Variants in SYNPR observed in about 807,000 individuals in gnomAD.
SYNPR encodes the protein synaptoporin.
In SYNPR, 23 loss-of-function variants were observed where a neutral mutation model predicts 32.9. The ratio of observed to expected loss-of-function variants is 0.70; its 90% confidence interval spans 0.50 to 0.99. The LOEUF (loss-of-function observed/expected upper bound fraction) is 0.99. SYNPR is among the 50% of genes least tolerant of loss of function. The pLI, the probability that SYNPR is intolerant of heterozygous loss-of-function variation, is 0.00. For missense variants in SYNPR, 318 were observed against 349.3 expected, an observed-to-expected ratio of 0.91 and a Z score of 0.71; for synonymous variants, 146 against 135.9, an observed-to-expected ratio of 1.07 and a Z score of -0.52.
At chr3:63,524,850 T>TGTGTGTGTGC (rs1405963400) in intron 3 of SYNPR, among the ~76,000 whole-genome samples, 1 of 124,344 alleles carries the variant, frequency 8.0e-6, no homozygotes, top group African/African-American at 3.0e-5. Context: ...TGTGTGTGTG[T>TGTGTGTGTGC]GCATGTGTGT....
intron 2 of SYNPR, among the ~76,000 whole-genome samples, chr3:63,340,796 C>G (rs1317463352): frequency 6.6e-6 from 1 of 152,172 alleles, no homozygotes; most frequent in East Asian, 1.9e-4. Flanking sequence ...TCCCCCCTTC[C>G]TTCTGTACAT....
intron 3 of SYNPR, chr3:63,545,658 A>G (rs1017671907): frequency 6.6e-6 from 1 of 152,142 alleles, no homozygotes; most frequent in South Asian, 2.1e-4. Context: ...TACAGGTCAT[A>G]TTATTAGGTA....
chr3:63,429,096 ATTTTTCT>A (rs1699939782), intron 2 of SYNPR, among the ~76,000 whole-genome samples: 1 of 152,066 alleles, frequency 6.6e-6, no homozygotes, highest in Non-Finnish European at 1.5e-5. Flanking sequence ...GCTGTGAAAG[ATTTTTCT>A]TTTTTCTTTG....
chr3:63,249,550 A>G (rs2086315126), intron 1 of SYNPR, among the ~76,000 whole-genome samples: 2 of 152,130 alleles, frequency 1.3e-5, no homozygotes, highest in Non-Finnish European at 2.9e-5. Context: ...GAATTAGAAG[A>G]AAGAGTGGGA....
intron 3 of SYNPR, among the ~76,000 whole-genome samples, chr3:63,551,681 T>C (rs1322314649): frequency 2.0e-5 from 3 of 152,120 alleles, no homozygotes; most frequent in African/African-American, 7.2e-5. Context: ...ATCTGGGTAA[T>C]TCCTATTATC....
intron 1 of SYNPR, among the ~76,000 whole-genome samples, chr3:63,238,619 G>A (rs766687237): frequency 9.9e-5 from 15 of 151,984 alleles, no homozygotes; most frequent in Non-Finnish European, 1.8e-4. Flanking sequence ...AAATTTTCAC[G>A]GTTTTCTTAG....
chr3:63,232,316 C>G (rs1404649492), intron 1 of SYNPR, among the ~76,000 whole-genome samples: 4 of 149,404 alleles, frequency 2.7e-5, no homozygotes, highest in African/African-American at 9.9e-5. Context: ...ATTCTCGTGC[C>G]TCAGCCTCCC....
At chr3:63,252,456 C>G (rs2086340824) in intron 1 of SYNPR, 1 of 152,116 alleles carries the variant, frequency 6.6e-6, no homozygotes, top group Non-Finnish European at 1.5e-5. Flanking sequence ...TTGGCTGTAG[C>G]ATAAATCTGC....
chr3:63,201,117 AG>A, the SYNPR span, among the ~76,000 whole-genome samples: 11 of 152,214 alleles, frequency 7.2e-5, no homozygotes, highest in African/African-American at 2.7e-4. Flanking sequence ...AAGAGAAATA[AG>A]GACTGAACAA....
intron 1 of SYNPR, among the ~76,000 whole-genome samples, chr3:63,240,351 C>T (rs553627454): frequency 1.8e-4 from 27 of 152,172 alleles, no homozygotes; most frequent in African/African-American, 5.8e-4. Context: ...CCTTCATAGA[C>T]GGCATTCTAG....
At chr3:63,359,193 C>T (rs910946732) in intron 2 of SYNPR, among the ~76,000 whole-genome samples, 3 of 152,016 alleles carry the variant, frequency 2.0e-5, no homozygotes, top group Non-Finnish European at 4.4e-5. Context: ...TAGGTAAGGA[C>T]CTAAGGGGAG....
intron 3 of SYNPR, among the ~76,000 whole-genome samples, chr3:63,520,326 G>A (rs921818095): frequency 4.6e-4 from 70 of 152,210 alleles, no homozygotes; most frequent in African/African-American, 1.6e-3. Flanking sequence ...CATCTTCCAG[G>A]ACAGCTGTAT....
intron 1 of SYNPR, among the ~76,000 whole-genome samples, chr3:63,241,051 T>A (rs1248632338): frequency 6.6e-6 from 1 of 151,808 alleles, no homozygotes; most frequent in Non-Finnish European, 1.5e-5. Context: ...AAAAAAAAAA[T>A]CCATGCTTTG....
At chr3:63,542,600 T>A (rs1028379255) in intron 3 of SYNPR, among the ~76,000 whole-genome samples, 1 of 152,110 alleles carries the variant, frequency 6.6e-6, no homozygotes, top group African/African-American at 2.4e-5. Context: ...ATTTATAACT[T>A]TAGACAGGGC....
the SYNPR span, among the ~76,000 whole-genome samples, chr3:63,211,287 G>T: frequency 2.6e-5 from 4 of 152,052 alleles, no homozygotes; most frequent in Admixed American, 2.6e-4. Flanking sequence ...GGCTGGTCTT[G>T]AACTCCTGAC....
At chr3:63,455,839 T>C (rs1427280633) in intron 2 of SYNPR, among the ~76,000 whole-genome samples, 1 of 151,378 alleles carries the variant, frequency 6.6e-6, no homozygotes, top group Non-Finnish European at 1.5e-5. Context: ...CCTGTTCCCG[T>C]TAAGTTTATT....
chr3:63,595,623 T>C (rs1269057368), intron 4 of SYNPR, among the ~76,000 whole-genome samples: 2 of 146,874 alleles, frequency 1.4e-5, no homozygotes, highest in Non-Finnish European at 3.0e-5. Context: ...CATAGAGTTG[T>C]TGTAAAGTAA....
the SYNPR span, among the ~76,000 whole-genome samples, chr3:63,203,878 A>T: frequency 3.6e-3 from 548 of 152,292 alleles, 5 homozygotes; most frequent in East Asian, 0.04. Context: ...GGATGCCTGT[A>T]ATCCCAGCTG....
At chr3:63,497,716 T>C (rs1575676354) in intron 3 of SYNPR, among the ~76,000 whole-genome samples, 1 of 152,148 alleles carries the variant, frequency 6.6e-6, no homozygotes, top group Non-Finnish European at 1.5e-5. Context: ...GTGTTTCCTT[T>C]ATACAGATTT....
Sources: allele counts gnomAD v4.1 joint callset (sites outside exome capture counted in the v4.1 genomes callset), GRCh38; gene constraint gnomAD v4.1.1; transcripts MANE v1.5; gene names NCBI Gene and HGNC (gene_info 2026-07-23, HGNC 2026-07-21).